NDUFS3: variants seen among roughly 807,000 people sequenced by gnomAD.
The protein encoded by NDUFS3 is NADH dehydrogenase [ubiquinone] iron-sulfur protein 3, mitochondrial.
Under a neutral mutation model 30.8 loss-of-function variants are expected in NDUFS3, and 19 were observed. The observed-to-expected ratio is 0.62, with a 90% CI of 0.43 to 0.91. NDUFS3 has a LOEUF of 0.91. Among genes scored for constraint, NDUFS3 ranks in the 40% least tolerant of loss-of-function variants. The pLI, the probability that NDUFS3 is intolerant of heterozygous loss-of-function variation, is 0.00. For synonymous variants in NDUFS3, 153 were observed against 135.8 expected (o/e 1.13, Z -0.88); for missense variants, 331 against 342.0 (o/e 0.97, Z 0.25).
At chr11:47,582,954 G>C (rs1214772503) in intron 6 of NDUFS3, among the ~76,000 whole-genome samples, 2 of 152,046 alleles carry the variant, frequency 1.3e-5, no homozygotes, top group African/African-American at 4.8e-5. Context: ...CCGAGATCAC[G>C]CCACTGCTCT....
intron 2 of NDUFS3, among the ~76,000 whole-genome samples, chr11:47,580,255 G>A (rs923185478): frequency 2.0e-5 from 3 of 152,252 alleles, no homozygotes; most frequent in Non-Finnish European, 4.4e-5. Flanking sequence ...CAGGCAATGT[G>A]AGGGAAGAAC....
chr11:47,580,788 C>A, intron 3 of NDUFS3, 47 bp from the exon 4 acceptor site: 1 of 1,612,866 alleles, frequency 6.2e-7, no homozygotes, highest in Non-Finnish European at 8.5e-7. Flanking sequence ...GTTAGCTGTT[C>A]CCTCAGTAGC....
chr11:47,581,248 G>A (rs1408792142), intron 4 of NDUFS3: 2 of 439,894 alleles, frequency 4.5e-6, no homozygotes, highest in African/African-American at 4.0e-5. Context: ...CCGTCTCCCA[G>A]GTTCAAGCGA....
rs1055717968 is a variant in NDUFS3, at chr11:47,582,198, C to T, written c.492C>T (p.Asn164=). ...ESAVSVFKAA[N]WYEREIWDMF... ...CTGTCTCTGTGTTCAAGGCAGCCAA[C>T]TGGTATGAAAGGGAGGTGAGTTACC... Residue 164 remains asparagine, a synonymous_variant, in exon 5 of 7, where the codon AAC becomes AAT. Transcript: ENST00000263774. 18 of 1,614,092 alleles carry T rather than the reference C, an allele frequency of 1.1e-5. No homozygotes were observed. The East Asian group carries it at 4.0e-4, about 36-fold the overall frequency.
In NDUFS3 at chr11:47,584,461, A is replaced by G. The variant is rs745602213; in HGVS notation, c.775A>G (p.Lys259Glu). The change falls in exon 7 of 7, where the codon AAG (lysine) becomes GAG (glutamate). Residue 259 changes from lysine to glutamate, a missense_variant. Lys to Glu is a moderately conservative substitution (Grantham distance 56). Coordinates refer to ENST00000263774, the MANE Select transcript of NDUFS3 (RefSeq NM_004551.3). Reference protein sequence around the residue: ...PESLKLEAGDKKPDAK With the variant: ...PESLKLEAGDEKPDAK ...GAGTCTCAAGCTTGAAGCCGGAGACAAGAAGCCTGATGCCAAGTAGCTCCA... is the reference window on the plus strand; with the variant it reads ...GAGTCTCAAGCTTGAAGCCGGAGACGAGAAGCCTGATGCCAAGTAGCTCCA... 10 of 1,614,138 alleles carry G rather than the reference A, an allele frequency of 6.2e-6. No individual in the cohort carries two copies. The South Asian group carries it at 1.1e-4, about 18-fold the overall frequency.
chr11:47,582,430 C>T lies in NDUFS3; in HGVS notation c.589C>T (p.Pro197Ser). The T allele has an allele frequency of 6.2e-7, 1 of 1,614,166 alleles. No homozygotes were observed. Among genetic ancestry groups the T allele is most frequent in the Non-Finnish European group, 8.5e-7 (1 of 1,180,010 alleles). Reference protein sequence around the residue: ...ILTDYGFEGHPFRKDFPLSGY... With the variant: ...ILTDYGFEGHSFRKDFPLSGY... ...GACAGATTATGGCTTCGAGGGACAT[C>T]CTTTCCGGAAAGACTTTCCTCTATC... The change falls in exon 6 of 7, where the codon CCT becomes TCT. Residue 197 changes from proline to serine, a missense_variant. By Grantham distance (74) the Pro-to-Ser change is moderately conservative. Transcript: ENST00000263774.
At position 47,579,984 on chromosome 11, in the gene NDUFS3, G is replaced by GACACAC. The variant is rs36201718; in HGVS notation, c.134-500_134-495dup. Among the ~76,000 whole-genome samples, 1,200 of 139,350 alleles carry GACACAC rather than the reference G, an allele frequency of 8.6e-3. 8 individuals are homozygous for GACACAC. Among genetic ancestry groups the GACACAC allele is most frequent in the Middle Eastern group, 0.018 (5 of 276 alleles). The allele number at this position is 139,350 out of a possible 152,430, so 91.4% of individuals were successfully genotyped here. A position where few individuals can be genotyped will look rare whatever the true frequency, so the allele number is the denominator to read the frequency against. ...TTCTCCTTTCCTGGGTTTTCTCATT[G>GACACAC]ACACACACACACACACACACACACA... On this transcript the variant is annotated intron_variant, in intron 2 of 6. Transcript: ENST00000263774.
Position 47,579,097 on chromosome 11 carries a change from G to C in NDUFS3, c.6G>C (p.Ala2=), listed in dbSNP as rs1333725152. The C allele has an allele frequency of 6.4e-7, 1 of 1,570,142 alleles. No homozygotes were observed. The highest frequency in any genetic ancestry group is 1.9e-5 in the Admixed American group (1 of 53,306). M[A]AAAVARLWWR... ...CTAGTCTGCATCTGAGTAACATGGC[G>C]GCGGCGGCGGTAGCCAGGCTGTGGT... The change falls in exon 1 of 7, where the codon GCG becomes GCC. Residue 2 remains alanine, a synonymous_variant. Transcript: ENST00000263774.
In NDUFS3 at chr11:47,579,077, C is replaced by G. The variant is rs950097510; in HGVS notation, c.-15C>G. 3 of 1,557,608 alleles carry G rather than the reference C, an allele frequency of 1.9e-6. No individual in the cohort carries two copies. The highest frequency in any genetic ancestry group is 2.6e-6 in the Non-Finnish European group (3 of 1,151,792). ...GCTGTCTTTCCGTCCGCTGCCTAGT[C>G]TGCATCTGAGTAACATGGCGGCGGC... is the stretch of plus-strand genomic sequence containing the variant. On this transcript the variant is annotated 5_prime_UTR_variant, in exon 1 of 7. Transcript: ENST00000263774.
intron 2 of NDUFS3, 44 bp downstream of exon 2, chr11:47,579,378 G>T (rs1320026279): frequency 6.2e-7 from 1 of 1,609,828 alleles, no homozygotes; most frequent in East Asian, 2.2e-5. Flanking sequence ...TATCGGCGGG[G>T]CCCCTTAGAT....
intron 6 of NDUFS3, among the ~76,000 whole-genome samples, chr11:47,583,830 T>C (rs2097269871): frequency 6.6e-6 from 1 of 152,198 alleles, no homozygotes; most frequent in South Asian, 2.1e-4. Flanking sequence ...CCTTACCTTA[T>C]CCATTTGATC....
intron 6 of NDUFS3, among the ~76,000 whole-genome samples, chr11:47,583,285 A>C (rs932484332): frequency 6.6e-6 from 1 of 152,114 alleles, no homozygotes; most frequent in Non-Finnish European, 1.5e-5. Context: ...TCCTGGGCTC[A>C]AGTCATCTGC....
Position 47,582,041 on chromosome 11 carries a change from A to G in NDUFS3, c.382-47A>G, listed in dbSNP as rs777012869. The G allele has an allele frequency of 4.3e-6, 7 of 1,610,400 alleles. No individual in the cohort carries two copies. In the East Asian group the frequency reaches 6.7e-5, roughly 15 times the overall value. On this transcript the variant is annotated intron_variant, in intron 4 of 6. Coordinates refer to ENST00000263774, the MANE Select transcript of NDUFS3 (RefSeq NM_004551.3). ...AGGGTCACAGGGCAGAACTCTCCCA[A>G]TCAGGGACTCCCATCTCAGCCCTCC...
chr11:47,579,879 G>C (rs893125427), intron 2 of NDUFS3, among the ~76,000 whole-genome samples: 11 of 152,152 alleles, frequency 7.2e-5, no homozygotes, highest in Non-Finnish European at 1.3e-4. Flanking sequence ...ATTGCTCAGT[G>C]GTTTAGGGTT....
At position 47,580,552 on chromosome 11, in the gene NDUFS3, C is replaced by T. The variant is rs760894844; in HGVS notation, c.161C>T (p.Ala54Val). The T allele has an allele frequency of 8.1e-6, 13 of 1,614,100 alleles. No homozygotes were observed. The South Asian group carries it at 1.4e-4, about 18-fold the overall frequency. Residue 54 changes from alanine to valine, a missense_variant, in exon 3 of 7, where the codon GCC (alanine) becomes GTC (valine). Ala to Val is a moderately conservative substitution (Grantham distance 64). Coordinates refer to ENST00000263774, the MANE Select transcript of NDUFS3 (RefSeq NM_004551.3). ...RPTVRPRNDV[A>V]HKQLSAFGEY... is the part of the protein sequence containing the mutation. ...ACTGTCAGACCACGGAATGATGTGG[C>T]CCACAAGCAGCTCTCAGCTTTTGGA...
In NDUFS3 at chr11:47,584,358, G is replaced by T; in HGVS notation, c.672G>T (p.Val224=). ...DEVKRVVAEP[V]ELAQEFRKFD... is the part of the protein sequence containing the mutation. ...TGAAGCGGGTGGTGGCAGAGCCGGT[G>T]GAGTTGGCCCAAGAGTTCCGCAAAT... The change falls in exon 7 of 7, where the codon GTG becomes GTT. Residue 224 remains valine, a synonymous_variant. Transcript: ENST00000263774. 1 of 1,614,148 alleles carries T rather than the reference G, an allele frequency of 6.2e-7. No individual in the cohort carries two copies. Among genetic ancestry groups the T allele is most frequent in the Non-Finnish European group, 8.5e-7 (1 of 1,180,030 alleles).
Position 47,580,513 on chromosome 11 carries a change from T to G in NDUFS3, c.134-12T>G, listed in dbSNP as rs1316989815. ...TCTCCATTTCTTTTTTAAATATGCC[T>G]TTTCCTTCCAGCCACTGTCAGACCA... On this transcript the variant is annotated splice_polypyrimidine_tract_variant and intron_variant, in intron 2 of 6. Transcript: ENST00000263774. 6.2e-7 allele frequency: 1 copy of G among 1,613,750 alleles called. No individual in the cohort carries two copies. The highest frequency in any genetic ancestry group is 1.6e-4 in the Middle Eastern group (1 of 6,062).
intron 6 of NDUFS3, 61 bp from the exon 7 acceptor site, chr11:47,584,253 G>C: frequency 6.2e-7 from 1 of 1,608,926 alleles, no homozygotes; most frequent in South Asian, 1.1e-5. Context: ...TGAAAAGTAG[G>C]CTCCTGTGTA....
At position 47,580,607 on chromosome 11, in the gene NDUFS3, T is replaced by A; in HGVS notation, c.216T>A (p.Tyr72Ter). ...GEYVAEILPK[Y>*]VQQVQVSCFN... ...ATGTGGCTGAAATCTTGCCCAAGTATGTCCAACAAGTTCAGGTAATACTTA... is the reference window on the plus strand; with the variant it reads ...ATGTGGCTGAAATCTTGCCCAAGTAAGTCCAACAAGTTCAGGTAATACTTA... Residue 72 changes from tyrosine (Y) to a stop codon, truncating the protein, a stop_gained, in exon 3 of 7, where the codon TAT (tyrosine) becomes TAA (stop). Transcript: ENST00000263774. LOFTEE classifies it high-confidence loss of function. The A allele has an allele frequency of 6.2e-7, 1 of 1,614,204 alleles. No homozygotes were observed. The highest frequency in any genetic ancestry group is 8.5e-7 in the Non-Finnish European group (1 of 1,180,004).
Sources: gnomAD v4.1 joint callset for allele counts (sites outside exome capture counted in the v4.1 genomes callset) on GRCh38, gnomAD v4.1.1 for gene constraint, MANE v1.5 for transcripts, NCBI Gene and HGNC (gene_info 2026-07-23, HGNC 2026-07-21) for gene names.